The following SPHKAP variants were observed in gnomAD, a reference collection of about 807,000 sequenced individuals.
SPHKAP encodes A-kinase anchor protein SPHKAP.
In SPHKAP, 67 loss-of-function variants were observed where a neutral mutation model predicts 137.5. The observed-to-expected ratio is 0.49, with a 90% CI of 0.40 to 0.60. The LOEUF (loss-of-function observed/expected upper bound fraction) is 0.60. Ranked by LOEUF, SPHKAP falls within the 20% of genes least tolerant of loss-of-function variation. The pLI is 0.00. For synonymous variants in SPHKAP, 813 were observed against 785.3 expected (o/e 1.04, Z -0.59); for missense variants, 2,097 against 2,069.3 (o/e 1.01, Z -0.26).
intron 1 of SPHKAP, among the ~76,000 whole-genome samples, chr2:228,139,495 T>C (rs1313292537): frequency 6.6e-6 from 1 of 152,242 alleles, no homozygotes; most frequent in Non-Finnish European, 1.5e-5. Context: ...CTGTGCTTTG[T>C]AAATTGATAT....
intron 1 of SPHKAP, among the ~76,000 whole-genome samples, chr2:228,160,533 C>G (rs1700242981): frequency 6.6e-6 from 1 of 152,132 alleles, no homozygotes; most frequent in Non-Finnish European, 1.5e-5. Flanking sequence ...ACCATCAGAC[C>G]TTGTGAGAAC....
chr2:228,139,181 G>A (rs535176081), intron 1 of SPHKAP, among the ~76,000 whole-genome samples: 3 of 152,044 alleles, frequency 2.0e-5, no homozygotes, highest in Admixed American at 6.6e-5. Flanking sequence ...TATCAACAGC[G>A]GAAAAATTCC....
intron 11 of SPHKAP, 66 bp from the exon 12 acceptor site, chr2:227,981,926 C>A (rs1693010289): frequency 6.5e-7 from 1 of 1,536,620 alleles, no homozygotes; most frequent in Admixed American, 2.1e-5. Flanking sequence ...CTCATTCAAC[C>A]ACCCTCGCGA....
chr2:228,031,949 A>G (rs1023274836), intron 3 of SPHKAP, among the ~76,000 whole-genome samples: 3 of 152,170 alleles, frequency 2.0e-5, no homozygotes, highest in African/African-American at 7.2e-5. Flanking sequence ...CAGCAGAAAA[A>G]CTGGAAACTC....
At chr2:228,177,776 A>G (rs758381775) in intron 1 of SPHKAP, among the ~76,000 whole-genome samples, 3 of 152,204 alleles carry the variant, frequency 2.0e-5, no homozygotes, top group Admixed American at 1.3e-4. Context: ...GATTGGTTAA[A>G]ACAAAATGAC....
chr2:228,108,077 G>A (rs185548805), intron 3 of SPHKAP, among the ~76,000 whole-genome samples: 1 of 152,126 alleles, frequency 6.6e-6, no homozygotes, highest in East Asian at 1.9e-4. Flanking sequence ...CTTACCTCCA[G>A]GAATAGCTCA....
chr2:228,050,723 C>T (rs1171935822), intron 3 of SPHKAP, among the ~76,000 whole-genome samples: 1 of 152,120 alleles, frequency 6.6e-6, no homozygotes, highest in African/African-American at 2.4e-5. Context: ...CTATTGAACA[C>T]CAGGTCTTAT....
chr2:228,103,093 C>T (rs560942530), intron 3 of SPHKAP, among the ~76,000 whole-genome samples: 1 of 152,152 alleles, frequency 6.6e-6, no homozygotes, highest in Non-Finnish European at 1.5e-5. Flanking sequence ...GTTTCTTCCA[C>T]ACAACCTTCA....
At chr2:227,999,712 C>A (rs1693777299) in intron 7 of SPHKAP, among the ~76,000 whole-genome samples, 1 of 152,160 alleles carries the variant, frequency 6.6e-6, no homozygotes, top group Non-Finnish European at 1.5e-5. Context: ...ACTAGGAGTT[C>A]AGAATGAATA....
intron 3 of SPHKAP, among the ~76,000 whole-genome samples, chr2:228,068,629 T>G (rs1438148573): frequency 6.6e-6 from 1 of 152,138 alleles, no homozygotes; most frequent in Non-Finnish European, 1.5e-5. Flanking sequence ...CTGAGAAAAT[T>G]GGATATCCAT....
chr2:227,991,017 C>T lies in SPHKAP; in HGVS notation c.4942G>A (p.Glu1648Lys), dbSNP rs1168622403. The T allele has an allele frequency of 6.2e-7, 1 of 1,614,024 alleles. No individual in the cohort carries two copies. Among genetic ancestry groups the T allele is most frequent in the Non-Finnish European group, 8.5e-7 (1 of 1,179,980 alleles). Residue 1648 changes from glutamate to lysine, a missense_variant, in exon 11 of 12, where the codon GAA (glutamate) becomes AAA (lysine). Transcript: ENST00000392056. Reference protein sequence around the residue: ...IPTIYFKKSQENRIEKFLDVV... With the variant: ...IPTIYFKKSQKNRIEKFLDVV... ...CATGATACCTTTTCAATTCTGTTTT[C>T]CTGAGATTTCTTAAAGTAGATGGTG...
intron 1 of SPHKAP, among the ~76,000 whole-genome samples, chr2:228,172,394 C>G (rs956391405): frequency 6.6e-6 from 1 of 152,176 alleles, no homozygotes; most frequent in Admixed American, 6.5e-5. Context: ...TAGGACATAC[C>G]TCCTGACTAC....
chr2:228,027,325 A>G (rs1351318087), intron 4 of SPHKAP, among the ~76,000 whole-genome samples, 159 bp downstream of exon 4: 7 of 152,192 alleles, frequency 4.6e-5, no homozygotes, highest in Admixed American at 3.9e-4. Context: ...AAAAGGGCAA[A>G]CGGTAGAGGG....
At chr2:228,037,007 C>T (rs1226375851) in intron 3 of SPHKAP, among the ~76,000 whole-genome samples, 1 of 151,838 alleles carries the variant, frequency 6.6e-6, no homozygotes, top group Non-Finnish European at 1.5e-5. Flanking sequence ...ACATTGTGCG[C>T]ATGTACCCTA....
intron 1 of SPHKAP, among the ~76,000 whole-genome samples, chr2:228,148,858 G>T (rs2106396309): frequency 6.6e-6 from 1 of 152,328 alleles, no homozygotes; most frequent in South Asian, 2.1e-4. Flanking sequence ...TAAGAGGAAA[G>T]ATGCAGATCT....
intron 7 of SPHKAP, among the ~76,000 whole-genome samples, chr2:228,014,555 G>A (rs532096237): frequency 1.2e-3 from 183 of 152,154 alleles, no homozygotes; most frequent in Non-Finnish European, 1.9e-3. Flanking sequence ...ATTCTTCCAG[G>A]ATTTCATCCA....
chr2:228,177,471 G>A (rs764383565), intron 1 of SPHKAP, among the ~76,000 whole-genome samples: 5 of 152,230 alleles, frequency 3.3e-5, no homozygotes, highest in East Asian at 1.9e-4. Context: ...GCAGTATTTC[G>A]TACTTGTCCC....
chr2:228,130,344 T>C (rs1337069932), intron 2 of SPHKAP, among the ~76,000 whole-genome samples: 1 of 152,210 alleles, frequency 6.6e-6, no homozygotes, highest in Non-Finnish European at 1.5e-5. Flanking sequence ...GATAGAGATC[T>C]TTATTTTGAG....
chr2:228,081,582 G>A (rs1169751248), intron 3 of SPHKAP, among the ~76,000 whole-genome samples: 6 of 152,088 alleles, frequency 3.9e-5, no homozygotes, highest in Admixed American at 3.9e-4. Flanking sequence ...AAGAAAATGT[G>A]GTATGTATAC....
Sources: gnomAD v4.1 joint callset for allele counts (sites outside exome capture counted in the v4.1 genomes callset) on GRCh38, gnomAD v4.1.1 for gene constraint, MANE v1.5 for transcripts, NCBI Gene and HGNC (gene_info 2026-07-23, HGNC 2026-07-21) for gene names.